The following NSL1 variants were observed in gnomAD, a reference collection of about 807,000 sequenced individuals.
The protein encoded by NSL1 is NSL1 component of MIS12 kinetochore complex, also known as kinetochore-associated protein NSL1 homolog.
Under a neutral mutation model 25.4 loss-of-function variants are expected in NSL1, and 11 were observed. That is an observed-to-expected ratio of 0.43 (90% CI 0.27 to 0.72). NSL1 has a LOEUF of 0.72. Ranked by LOEUF, NSL1 falls within the 30% of genes least tolerant of loss-of-function variation. The pLI is 0.19. For missense variants in NSL1, 330 were observed against 342.7 expected (o/e 0.96, Z 0.29); for synonymous variants, 118 against 120.6 (o/e 0.98, Z 0.14).
chr1:212,745,869 G>A (rs1297600976), intron 4 of NSL1, among the ~76,000 whole-genome samples: 2 of 152,188 alleles, frequency 1.3e-5, no homozygotes, highest in African/African-American at 2.4e-5. Flanking sequence ...GGAGACTGAG[G>A]TGGATGGATC....
Position 212,729,934 on chromosome 1 carries a change from C to T in NSL1, c.*8474G>A, listed in dbSNP as rs531034170. The T allele has an allele frequency of 6.0e-5, 59 of 984,912 alleles. No individual in the cohort carries two copies. In the South Asian group the frequency reaches 2.4e-3, roughly 41 times the overall value. 61.0% of individuals were successfully genotyped at this position (984,912 alleles called of 1,614,324 possible). On this transcript the variant is annotated 3_prime_UTR_variant, in exon 6 of 6. Transcript: ENST00000366977. Reference sequence around the variant, plus strand: ...GAAGCTGCCTTGTGGAGGAACTAAACCTCCGGAAGGATTTTTTTTTTTAAG... The same window carrying T: ...GAAGCTGCCTTGTGGAGGAACTAAATCTCCGGAAGGATTTTTTTTTTTAAG...
rs142458916 is a variant in NSL1 at position 212,776,114 on chromosome 1, C to T, written c.499+6258G>A. Among the ~76,000 whole-genome samples, 1,497 of 152,250 alleles carry T rather than the reference C, an allele frequency of 9.8e-3. 27 individuals carry two copies. Among genetic ancestry groups the T allele is most frequent in the African/African-American group, 0.034 (1,407 of 41,540 alleles). On this transcript the variant is annotated intron_variant, in intron 4 of 5. Transcript: ENST00000366977. ...ACAGGCGTGAGCCACTGCGCCCAGC[C>T]CGTAAATTGTGTTTTTTAACAATAA...
At position 212,727,940 on chromosome 1, in the gene NSL1, G is replaced by C; in HGVS notation, c.*10468C>G. The C allele has an allele frequency of 1.0e-6, 1 of 985,436 alleles. No individual in the cohort carries two copies. Among genetic ancestry groups the C allele is most frequent in the Non-Finnish European group, 1.2e-6 (1 of 829,922 alleles). 61.0% of individuals were successfully genotyped at this position (985,436 alleles called of 1,614,324 possible). On this transcript the variant is annotated 3_prime_UTR_variant, in exon 6 of 6. Coordinates refer to ENST00000366977, the MANE Select transcript of NSL1 (RefSeq NM_015471.4). ...CCAACGAGGTCGCTGTGGTGTAGCG[G>C]TGAGAGCGTCTGAGACTCTGGACAA...
At chr1:212,761,781 A>G (rs140927696) in intron 4 of NSL1, among the ~76,000 whole-genome samples, 2,138 of 152,188 alleles carry the variant, frequency 0.014, 19 homozygotes, top group South Asian at 0.036. Flanking sequence ...TAACAAAGAG[A>G]TATCATTTTA....
intron 4 of NSL1, among the ~76,000 whole-genome samples, chr1:212,779,918 G>A (rs577599348): frequency 0.016 from 2,460 of 150,102 alleles, 86 homozygotes; most frequent in African/African-American, 0.059. Flanking sequence ...CACCCAGTCC[G>A]GGAGGTGAGG....
At position 212,791,519 on chromosome 1, in the gene NSL1, T is replaced by C; in HGVS notation, c.234+11A>G. ...GATGATGAGTAAAGAACTGGCTAACTGGTCCCGTACCCACTGCGCATCTCG... is the reference window on the plus strand; with the variant it reads ...GATGATGAGTAAAGAACTGGCTAACCGGTCCCGTACCCACTGCGCATCTCG... On this transcript the variant is annotated intron_variant, in intron 1 of 5. Transcript: ENST00000366977. 1.9e-6 allele frequency: 3 copies of C among 1,609,162 alleles called. No homozygotes were observed. The highest frequency in any genetic ancestry group is 2.5e-6 in the Non-Finnish European group (3 of 1,176,566).
chr1:212,766,558 T>C (rs1028330819), intron 4 of NSL1, among the ~76,000 whole-genome samples: 11 of 150,320 alleles, frequency 7.3e-5, no homozygotes, highest in Non-Finnish European at 1.3e-4. Flanking sequence ...GGCAGGAGAA[T>C]GGTGTGAACC....
At chr1:212,758,729 C>T (rs1659422335) in intron 4 of NSL1, among the ~76,000 whole-genome samples, 1 of 152,160 alleles carries the variant, frequency 6.6e-6, no homozygotes, top group African/African-American at 2.4e-5. Flanking sequence ...AATTTCAACA[C>T]AATTCCTACC....
chr1:212,731,697 T>C lies in NSL1; in HGVS notation c.*6711A>G, dbSNP rs1485243901. On this transcript the variant is annotated 3_prime_UTR_variant, in exon 6 of 6. Coordinates refer to ENST00000366977, the MANE Select transcript of NSL1 (RefSeq NM_015471.4). Reference sequence around the variant, plus strand: ...AAATTATATCCATATTGTATGATCTTGAATCAGCTTTTTAGACATCCACTG... The same window carrying C: ...AAATTATATCCATATTGTATGATCTCGAATCAGCTTTTTAGACATCCACTG... 1.0e-6 allele frequency: 1 copy of C among 985,340 alleles called. No homozygotes were observed. Among genetic ancestry groups the C allele is most frequent in the African/African-American group, 1.7e-5 (1 of 57,250 alleles). 61.0% of individuals were successfully genotyped at this position (985,340 alleles called of 1,614,324 possible). A position where few individuals can be genotyped will look rare whatever the true frequency, so the allele number is the denominator to read the frequency against.
intron 4 of NSL1, among the ~76,000 whole-genome samples, chr1:212,742,499 T>C (rs181207281): frequency 8.5e-5 from 13 of 152,264 alleles, no homozygotes; most frequent in African/African-American, 3.1e-4. Flanking sequence ...TTATTAAAAG[T>C]GTAGTGTCAA....
Position 212,791,551 on chromosome 1 carries a change from G to T in NSL1, c.213C>A (p.Pro71=), listed in dbSNP as rs531009228. ...GDALPEEIRE[P]ALRDAQWTFE... ...GTACCCACTGCGCATCTCGCAGAGC[G>T]GGCTCCCGAATCTCCTCCGGCAGAG... Residue 71 remains proline (P), a synonymous_variant, in exon 1 of 6, where the codon CCC becomes CCA. Transcript: ENST00000366977. 78 of 1,613,662 alleles carry T rather than the reference G, an allele frequency of 4.8e-5. No homozygotes were observed. Among genetic ancestry groups the T allele is most frequent in the Admixed American group, 1.8e-4 (11 of 60,024 alleles).
chr1:212,736,651 A>T lies in NSL1; in HGVS notation c.*1757T>A, dbSNP rs1224524901. 1 of 985,046 alleles carries T rather than the reference A, an allele frequency of 1.0e-6. No individual in the cohort carries two copies. The highest frequency in any genetic ancestry group is 1.2e-6 in the Non-Finnish European group (1 of 829,668). 61.0% of individuals were successfully genotyped at this position (985,046 alleles called of 1,614,324 possible). On this transcript the variant is annotated 3_prime_UTR_variant, in exon 6 of 6. Coordinates refer to ENST00000366977, the MANE Select transcript of NSL1 (RefSeq NM_015471.4). ...AGTAAAACTTTGGGCTCTCAAGAGG[A>T]TTTCAAATCTCAGCTGTCTGCCTGG...
chr1:212,762,506 G>A (rs1029512715), intron 4 of NSL1, among the ~76,000 whole-genome samples: 2 of 152,116 alleles, frequency 1.3e-5, no homozygotes. Flanking sequence ...ATAGTGGCTA[G>A]AGAGTCACAC....
chr1:212,745,895 G>A (rs2102436483), intron 4 of NSL1, among the ~76,000 whole-genome samples: 1 of 152,314 alleles, frequency 6.6e-6, no homozygotes, highest in Admixed American at 6.5e-5. Context: ...AGCCCAGGGA[G>A]GCTGAGGCTG....
chr1:212,766,645 TAAAAAAAAAAAAAA>T (rs1659837332), intron 4 of NSL1, among the ~76,000 whole-genome samples: 1 of 122,480 alleles, frequency 8.2e-6, no homozygotes, highest in South Asian at 2.5e-4. Context: ...GACTCCATCT[TAAAAAAAAAAAAAA>T]GAAAAAAAAA....
At chr1:212,779,948 C>CT in intron 4 of NSL1, among the ~76,000 whole-genome samples, 1 of 151,662 alleles carries the variant, frequency 6.6e-6, no homozygotes, top group Non-Finnish European at 1.5e-5. Flanking sequence ...GCCCGGCCGC[C>CT]CCTACTGGGA....
chr1:212,779,517 A>G (rs1660588505), intron 4 of NSL1, among the ~76,000 whole-genome samples: 1 of 102,038 alleles, frequency 9.8e-6, no homozygotes, highest in Non-Finnish European at 2.0e-5. Context: ...TGGGGGGGTC[A>G]GCCCCCCGCC....
chr1:212,777,144 CAGG>C (rs1222132272), intron 4 of NSL1, among the ~76,000 whole-genome samples: 2 of 151,580 alleles, frequency 1.3e-5, no homozygotes, highest in South Asian at 2.1e-4. Context: ...GAGGCCAAGG[CAGG>C]AGAAGCACTT....
rs763796648 is a variant in NSL1, at chr1:212,791,731, G to A, written c.33C>T (p.Asp11=). The change falls in exon 1 of 6, where the codon GAC becomes GAT. Residue 11 remains aspartate, a synonymous_variant. Coordinates refer to ENST00000366977, the MANE Select transcript of NSL1 (RefSeq NM_015471.4). MAGSPELVVL[D]PPWDKELAAG... ...CCGCGAGCTCCTTGTCCCATGGAGG[G>A]TCAAGGACCACCAACTCAGGAGACC... The A allele has an allele frequency of 1.7e-5, 28 of 1,612,698 alleles. No individual in the cohort carries two copies. Among genetic ancestry groups the A allele is most frequent in the Non-Finnish European group, 2.1e-5 (25 of 1,179,250 alleles).
Sources: allele counts gnomAD v4.1 joint callset (sites outside exome capture counted in the v4.1 genomes callset), GRCh38; gene constraint gnomAD v4.1.1; transcripts MANE v1.5; gene names NCBI Gene and HGNC (gene_info 2026-07-23, HGNC 2026-07-21).